The following VPS35L variants were observed in gnomAD, a reference collection of about 807,000 sequenced individuals.
VPS35L encodes the protein VPS35 endosomal protein sorting factor like, also known as VPS35 endosomal protein-sorting factor-like.
VPS35L carries 83 observed loss-of-function variants against 133.0 expected under a neutral mutation model. The ratio of observed to expected loss-of-function variants is 0.62; its 90% CI spans 0.52 to 0.75. The LOEUF is 0.75. VPS35L is among the 30% of genes least tolerant of loss of function. The pLI is 0.00. For synonymous variants in VPS35L, 423 were observed against 449.9 expected, an observed-to-expected ratio of 0.94 and a Z score of 0.76; for missense variants, 1,083 against 1,206.8, an observed-to-expected ratio of 0.90 and a Z score of 1.52.
chr16:19,575,098 A>G lies in VPS35L; in HGVS notation c.409A>G (p.Asn137Asp). 2 of 1,604,668 alleles carry G rather than the reference A, an allele frequency of 1.2e-6. No individual in the cohort carries two copies. The highest frequency in any genetic ancestry group is 1.7e-6 in the Non-Finnish European group (2 of 1,174,238). ...RYTTTEKLSI[N>D]LFMGSEKGKA... ...ATTAATGAATTTTATGTCTCTGCAG[A>G]ATCTGTTTATGGGATCTGAAAAAGG... Residue 137 changes from asparagine to aspartate, a missense_variant and splice_region_variant, in exon 5 of 31, where the codon AAT becomes GAT. Coordinates refer to ENST00000417362, the MANE Select transcript of VPS35L (RefSeq NM_020314.7).
At chr16:19,672,716 A>G (rs1248137875) in intron 27 of VPS35L, among the ~76,000 whole-genome samples, 2 of 152,168 alleles carry the variant, frequency 1.3e-5, no homozygotes, top group African/African-American at 2.4e-5. Context: ...TTCACTTGAC[A>G]CTTGATGTCA....
intron 14 of VPS35L, among the ~76,000 whole-genome samples, chr16:19,622,603 A>C (rs1247916003): frequency 6.6e-6 from 1 of 152,168 alleles, no homozygotes; most frequent in East Asian, 1.9e-4. Context: ...CACGCAGCTC[A>C]AAACCATGTT....
At chr16:19,590,433 T>A (rs1269122094) in intron 7 of VPS35L, among the ~76,000 whole-genome samples, 1 of 152,124 alleles carries the variant, frequency 6.6e-6, no homozygotes, top group Non-Finnish European at 1.5e-5. Flanking sequence ...GGTCAACCAT[T>A]GAGGTGATGA....
At chr16:19,685,107 A>G (rs1243636371) in intron 28 of VPS35L, among the ~76,000 whole-genome samples, 1 of 152,154 alleles carries the variant, frequency 6.6e-6, no homozygotes, top group African/African-American at 2.4e-5. Flanking sequence ...CATATATGCA[A>G]TAAACTATAG....
intron 3 of VPS35L, among the ~76,000 whole-genome samples, chr16:19,571,837 G>A (rs557796924): frequency 3.6e-4 from 54 of 149,018 alleles, no homozygotes; most frequent in Non-Finnish European, 5.9e-4. Context: ...GAGCCATGCC[G>A]CCCAGCCAAC....
intron 1 of VPS35L, among the ~76,000 whole-genome samples, chr16:19,556,022 T>G (rs1457097022): frequency 2.0e-5 from 3 of 152,140 alleles, no homozygotes; most frequent in African/African-American, 7.2e-5. Context: ...AACTTGAGTT[T>G]CCAGGCTTCC....
At chr16:19,658,425 G>A (rs968631958) in intron 26 of VPS35L, among the ~76,000 whole-genome samples, 5 of 152,176 alleles carry the variant, frequency 3.3e-5, no homozygotes, top group East Asian at 1.9e-4. Flanking sequence ...AGCTACTTGG[G>A]AGGCTGAGGC....
At chr16:19,671,828 C>T (rs111946057) in intron 27 of VPS35L, among the ~76,000 whole-genome samples, 12 of 152,202 alleles carry the variant, frequency 7.9e-5, no homozygotes, top group South Asian at 2.1e-4. Flanking sequence ...ACCTGGCTGC[C>T]GCAGGGTGCA....
At chr16:19,581,787 CT>C in intron 7 of VPS35L, 134 bp downstream of exon 7, 2 of 1,038,818 alleles carry the variant, frequency 1.9e-6, no homozygotes, top group Non-Finnish European at 2.8e-6. Flanking sequence ...CATATACTTC[CT>C]GTGAAAAGCC....
chr16:19,607,007 G>A (rs1240911647), intron 9 of VPS35L, among the ~76,000 whole-genome samples: 2 of 152,184 alleles, frequency 1.3e-5, no homozygotes, highest in African/African-American at 4.8e-5. Context: ...GTGGGATGGA[G>A]CTCTAATCTT....
chr16:19,657,450 A>G (rs1974343462), intron 26 of VPS35L, among the ~76,000 whole-genome samples: 1 of 152,206 alleles, frequency 6.6e-6, no homozygotes. Flanking sequence ...ACAGAAAGTT[A>G]GGTCAGGTCA....
At chr16:19,632,992 G>A in intron 18 of VPS35L, 100 bp from the exon 19 acceptor site, 2 of 835,464 alleles carry the variant, frequency 2.4e-6, no homozygotes, top group South Asian at 1.5e-5. Flanking sequence ...CCTGGAAGGT[G>A]TGTGATATAT....
At chr16:19,598,698 C>T (rs997601295) in intron 8 of VPS35L, among the ~76,000 whole-genome samples, 2 of 151,874 alleles carry the variant, frequency 1.3e-5, no homozygotes, top group African/African-American at 4.8e-5. Flanking sequence ...GTGGGAGGAG[C>T]CCCTGAGCCC....
chr16:19,564,391 A>T (rs1208807411), intron 1 of VPS35L, among the ~76,000 whole-genome samples: 1 of 150,788 alleles, frequency 6.6e-6, no homozygotes, highest in Non-Finnish European at 1.5e-5. Context: ...CAGATTTTTT[A>T]AAATGTTGTG....
Position 19,622,094 on chromosome 16 carries a change from T to A in VPS35L, c.1225-4083T>A, listed in dbSNP as rs1325172605. Among the ~76,000 whole-genome samples, 5 of 150,846 alleles carry A rather than the reference T, an allele frequency of 3.3e-5. No individual in the cohort carries two copies. The East Asian group carries it at 9.7e-4, about 29-fold the overall frequency. The stretch of plus-strand genomic sequence containing the variant: ...TCTGGAACAGTGGCTGGTATAGTCA[T>A]CCCTTGGTATACTTAGGGGATTGAT... On this transcript the variant is annotated intron_variant, in intron 14 of 30. Transcript: ENST00000417362.
chr16:19,647,678 C>A, intron 23 of VPS35L, 106 bp from the exon 24 acceptor site: 2 of 887,242 alleles, frequency 2.3e-6, no homozygotes, highest in South Asian at 1.4e-5. Context: ...CCAGTGCCCA[C>A]GTCATAAAGA....
At chr16:19,646,542 G>A (rs1307782608) in intron 23 of VPS35L, among the ~76,000 whole-genome samples, 3 of 152,064 alleles carry the variant, frequency 2.0e-5, no homozygotes. Context: ...GTGCATGCCT[G>A]TAATCCCAGC....
chr16:19,567,509 A>G (rs1255275696), intron 2 of VPS35L, among the ~76,000 whole-genome samples: 2 of 152,162 alleles, frequency 1.3e-5, no homozygotes. Flanking sequence ...GGTATTAAGT[A>G]TTAAGCCTGT....
At position 19,699,299 on chromosome 16, in the gene VPS35L, T is replaced by C; in HGVS notation, c.2647-203T>C. The C allele has an allele frequency of 1.8e-6, 1 of 571,148 alleles. No homozygotes were observed. The allele number at this position is 571,148 out of a possible 1,614,324, so 35.4% of individuals were successfully genotyped here. On this transcript the variant is annotated intron_variant, in intron 29 of 30. Coordinates refer to ENST00000417362, the MANE Select transcript of VPS35L (RefSeq NM_020314.7). The surrounding 1 kb of genome is among the most constrained non-coding windows in gnomAD (Gnocchi z 4.2). ...GTCATCTTACTGAATCCCCGCCCTT[T>C]GCAGGGGTGACCTTACTGTCACTTA...
Sources: gnomAD v4.1 joint callset for allele counts (sites outside exome capture counted in the v4.1 genomes callset) on GRCh38, gnomAD v4.1.1 for gene constraint, Gnocchi (gnomAD v3.1) non-coding constraint, MANE v1.5 for transcripts, NCBI Gene and HGNC (gene_info 2026-07-23, HGNC 2026-07-21) for gene names.